Variants in PTGER3 observed in about 807,000 individuals in gnomAD.
PTGER3 encodes prostaglandin E receptor 3.
Under a neutral mutation model 34.7 loss-of-function variants are expected in PTGER3, and 22 were observed. The observed-to-expected ratio is 0.63, with a 90% confidence interval of 0.45 to 0.91. The LOEUF (loss-of-function observed/expected upper bound fraction) is 0.91. Ranked by LOEUF, PTGER3 falls within the 40% of genes least tolerant of loss-of-function variation. The pLI, the probability that PTGER3 is intolerant of heterozygous loss-of-function variation, is 0.00. For missense variants in PTGER3, 468 were observed against 519.4 expected (o/e 0.90, Z 0.96); for synonymous variants, 241 against 230.1 (o/e 1.05, Z -0.43).
intron 2 of PTGER3, among the ~76,000 whole-genome samples, chr1:70,998,485 TG>T (rs1331022979): frequency 1.3e-5 from 2 of 152,152 alleles, no homozygotes; most frequent in African/African-American, 4.8e-5. Context: ...TAGACCCACA[TG>T]ATAGAAGCTC....
chr1:70,882,161 G>A lies in PTGER3; in HGVS notation c.*24-29302C>T, dbSNP rs11800920. 9.5e-3 allele frequency among the ~76,000 whole-genome samples: 1,453 copies of A among 152,316 alleles called. 19 individuals carry two copies. Among genetic ancestry groups the A allele is most frequent in the African/African-American group, 0.034 (1,396 of 41,562 alleles). On this transcript the variant is annotated intron_variant, in intron 4 of 4. Coordinates refer to the PTGER3 transcript ENST00000370931. ...TTTGCCTGCTAGCTGAGTTCAGGCAGAAGAGGGTTTTCTGGGCTTGAAGAT... is the reference window on the plus strand; with the variant it reads ...TTTGCCTGCTAGCTGAGTTCAGGCAAAAGAGGGTTTTCTGGGCTTGAAGAT...
chr1:70,856,543 A>G (rs1645809397), intron 4 of PTGER3, among the ~76,000 whole-genome samples: 1 of 152,146 alleles, frequency 6.6e-6, no homozygotes, highest in South Asian at 2.1e-4. Flanking sequence ...TCAAAAACCT[A>G]ACTAAAGCAA....
At chr1:70,920,562 G>T (rs1281524311) in intron 4 of PTGER3, among the ~76,000 whole-genome samples, 1 of 152,178 alleles carries the variant, frequency 6.6e-6, no homozygotes, top group African/African-American at 2.4e-5. Flanking sequence ...GATTATGTTT[G>T]CATGTTGACA....
At chr1:71,024,675 C>A (rs1345138768) in intron 1 of PTGER3, among the ~76,000 whole-genome samples, 2 of 136,952 alleles carry the variant, frequency 1.5e-5, no homozygotes, top group African/African-American at 2.7e-5. Context: ...TTGCCTCAGC[C>A]TCTCGAGTAG....
chr1:70,903,442 G>A (rs1206435204), intron 4 of PTGER3, among the ~76,000 whole-genome samples: 1 of 152,162 alleles, frequency 6.6e-6, no homozygotes, highest in Non-Finnish European at 1.5e-5. Flanking sequence ...TCTTTGTACA[G>A]ATAATTTTAT....
chr1:71,016,240 T>C (rs561339327), intron 1 of PTGER3, among the ~76,000 whole-genome samples: 1 of 152,308 alleles, frequency 6.6e-6, no homozygotes, highest in East Asian at 1.9e-4. Context: ...AAATAGTAGC[T>C]ATACAATAAA....
At chr1:70,875,697 C>A (rs888695220) in intron 4 of PTGER3, among the ~76,000 whole-genome samples, 3 of 152,098 alleles carry the variant, frequency 2.0e-5, no homozygotes, top group African/African-American at 7.2e-5. Flanking sequence ...GTGTTTAGCT[C>A]CCACTTATAA....
At chr1:71,029,161 T>C (rs1659188976) in intron 1 of PTGER3, among the ~76,000 whole-genome samples, 2 of 152,250 alleles carry the variant, frequency 1.3e-5, no homozygotes, top group African/African-American at 4.8e-5. Context: ...GATCTTCTTA[T>C]TCCTATTCTA....
At chr1:71,033,748 T>C (rs1659594885) in intron 1 of PTGER3, among the ~76,000 whole-genome samples, 1 of 152,198 alleles carries the variant, frequency 6.6e-6, no homozygotes, top group Non-Finnish European at 1.5e-5. Context: ...GAAATCGTCT[T>C]AAAGACAACA....
chr1:70,953,624 A>G, intron 3 of PTGER3: 1 of 1,252,228 alleles, frequency 8.0e-7, no homozygotes, highest in Non-Finnish European at 1.1e-6. Context: ...TGTGACTGGG[A>G]TAGGTTCCTT....
intron 3 of PTGER3, 44 bp from the exon 4 acceptor site, chr1:70,971,777 A>T: frequency 7.2e-7 from 1 of 1,380,202 alleles, no homozygotes. Flanking sequence ...ATGGATGGGG[A>T]TTATTTTTTT....
chr1:70,883,457 G>C (rs866150851), intron 4 of PTGER3, among the ~76,000 whole-genome samples: 1 of 152,050 alleles, frequency 6.6e-6, no homozygotes, highest in Non-Finnish European at 1.5e-5. Flanking sequence ...CCAATTAGGT[G>C]ACTTAAGAAA....
In PTGER3 at chr1:71,017,065, C is replaced by T. The variant is rs150333031; in HGVS notation, c.898-4581G>A. ...CACACAAAGATATCCATTTCTCGGT[C>T]CCTGGAATCTGTGAATACGTTACCA... is the stretch of plus-strand genomic sequence containing the variant. On this transcript the variant is annotated intron_variant, in intron 1 of 3. Transcript: ENST00000306666. Among the ~76,000 whole-genome samples the T allele has an allele frequency of 2.1e-3, 327 of 152,110 alleles. 4 individuals carry two copies. The highest frequency in any genetic ancestry group is 7.4e-3 in the African/African-American group (309 of 41,490).
chr1:71,018,204 A>C (rs1473519961), intron 1 of PTGER3, among the ~76,000 whole-genome samples: 1 of 152,176 alleles, frequency 6.6e-6, no homozygotes, highest in Non-Finnish European at 1.5e-5. Flanking sequence ...AGAAGGAATG[A>C]GCTTGAAAAC....
At chr1:70,953,184 G>A in intron 3 of PTGER3, 1 of 815,650 alleles carries the variant, frequency 1.2e-6, no homozygotes. Context: ...CATTGTATTA[G>A]GCATTATAAA....
intron 1 of PTGER3, among the ~76,000 whole-genome samples, chr1:71,029,639 T>C (rs1459234372): frequency 6.6e-6 from 1 of 152,106 alleles, no homozygotes; most frequent in Non-Finnish European, 1.5e-5. Flanking sequence ...TAAATCAGTT[T>C]CTATGGCCGG....
chr1:71,030,085 ATT>A (rs546595173), intron 1 of PTGER3, among the ~76,000 whole-genome samples: 88 of 152,248 alleles, frequency 5.8e-4, no homozygotes, highest in African/African-American at 2.0e-3. Context: ...TGTGTGAATC[ATT>A]ATAAGAGCTG....
At chr1:70,939,218 A>T (rs1241698877) in intron 4 of PTGER3, among the ~76,000 whole-genome samples, 3 of 152,162 alleles carry the variant, frequency 2.0e-5, no homozygotes, top group African/African-American at 7.2e-5. Context: ...CTTTGTCTCC[A>T]TGTCCCACAT....
chr1:70,874,680 C>T lies in PTGER3; in HGVS notation c.*24-21821G>A, dbSNP rs188367093. On this transcript the variant is annotated intron_variant, in intron 4 of 4. Transcript: ENST00000370931. ...TTTATGTCTCTCCTTCTGTCTCTGT[C>T]TCTCTCTCTGAAACTTCCCCATACC... Among the ~76,000 whole-genome samples, 7 of 152,168 alleles carry T rather than the reference C, an allele frequency of 4.6e-5. No individual in the cohort carries two copies. In the East Asian group the frequency reaches 1.4e-3, roughly 29 times the overall value.
Sources: allele counts gnomAD v4.1 joint callset (sites outside exome capture counted in the v4.1 genomes callset), GRCh38; gene constraint gnomAD v4.1.1; transcripts MANE v1.5; gene names NCBI Gene and HGNC (gene_info 2026-07-23, HGNC 2026-07-21).